The following EIF2B3 variants were observed in gnomAD, a reference collection of about 807,000 sequenced individuals.
EIF2B3 encodes the protein eukaryotic translation initiation factor 2B subunit gamma, also known as translation initiation factor eIF2B subunit gamma.
In EIF2B3, 20 loss-of-function variants were observed where a neutral mutation model predicts 54.1. The observed-to-expected ratio is 0.37, with a 90% CI of 0.26 to 0.54. EIF2B3 has a LOEUF of 0.54. Among genes scored for constraint, EIF2B3 ranks in the 20% least tolerant of loss-of-function variants. The probability of loss-of-function intolerance (pLI) is 0.86; values close to 1 mark genes in which losing one functional copy is unlikely to be tolerated. For missense variants in EIF2B3, 448 were observed against 547.8 expected (o/e 0.82, Z 1.82); for synonymous variants, 153 against 188.1 (o/e 0.81, Z 1.52).
At chr1:44,936,425 CAAA>C (rs35416105) in intron 4 of EIF2B3, among the ~76,000 whole-genome samples, 2 of 133,472 alleles carry the variant, frequency 1.5e-5, no homozygotes, top group Non-Finnish European at 1.6e-5. Flanking sequence ...ACTAAAAATA[CAAA>C]AAAAAAAAAA....
At position 44,956,193 on chromosome 1, in the gene EIF2B3, G is replaced by C. The variant is rs377599959; in HGVS notation, c.295-14528C>G. ...GGAATACTATGCAGCCATAAAAAAG[G>C]ATGAGTTCATGTCCTTTGCAGAGAC... On this transcript the variant is annotated intron_variant, in intron 3 of 11. Transcript: ENST00000360403. Among the ~76,000 whole-genome samples, 44 of 152,258 alleles carry C rather than the reference G, an allele frequency of 2.9e-4. No individual in the cohort carries two copies. In the East Asian group the frequency reaches 7.7e-3, roughly 27 times the overall value.
chr1:44,894,039 C>CTAAG (rs1655887800), intron 6 of EIF2B3, among the ~76,000 whole-genome samples: 1 of 152,118 alleles, frequency 6.6e-6, no homozygotes, highest in Admixed American at 6.5e-5. Flanking sequence ...GCAGCTCCTA[C>CTAAG]TAAGGCAAGC....
chr1:44,890,695 ATCTACCTG>A (rs1557672763), intron 6 of EIF2B3, among the ~76,000 whole-genome samples: 2 of 151,636 alleles, frequency 1.3e-5, no homozygotes, highest in South Asian at 4.2e-4. Flanking sequence ...CAGTGTGGAG[ATCTACCTG>A]TCTTGCACCC....
intron 10 of EIF2B3, among the ~76,000 whole-genome samples, chr1:44,873,929 C>T (rs1040243328): frequency 4.6e-5 from 7 of 151,978 alleles, no homozygotes; most frequent in African/African-American, 9.7e-5. Context: ...GGATTACAGG[C>T]ATGAGCCACT....
chr1:44,910,038 A>C (rs1643482516), intron 5 of EIF2B3, among the ~76,000 whole-genome samples: 1 of 152,192 alleles, frequency 6.6e-6, no homozygotes, highest in African/African-American at 2.4e-5. Flanking sequence ...ATCCTTTAGG[A>C]GCTTGTTTTA....
chr1:44,897,544 GA>G, intron 5 of EIF2B3, 100 bp from the exon 6 acceptor site: 1 of 921,144 alleles, frequency 1.1e-6, no homozygotes, highest in Middle Eastern at 2.1e-4. Flanking sequence ...GTAAGTTTAT[GA>G]GGGTCAGAGG....
intron 10 of EIF2B3, among the ~76,000 whole-genome samples, chr1:44,872,331 C>A (rs1169827458): frequency 6.6e-6 from 1 of 152,100 alleles, no homozygotes; most frequent in Non-Finnish European, 1.5e-5. Context: ...ATGTGGCTGG[C>A]CACTTCACTT....
chr1:44,897,311 CTTG>C (rs754026304), intron 6 of EIF2B3, 41 bp downstream of exon 6: 1 of 1,415,744 alleles, frequency 7.1e-7, no homozygotes, highest in Middle Eastern at 1.8e-4. Context: ...CACAAAGTAG[CTTG>C]TTAAGTACTG....
At chr1:44,945,449 G>C (rs1644089980) in intron 3 of EIF2B3, among the ~76,000 whole-genome samples, 1 of 151,814 alleles carries the variant, frequency 6.6e-6, no homozygotes, top group Admixed American at 6.6e-5. Flanking sequence ...AGCTACTCGG[G>C]AGGCTGAGGC....
intron 3 of EIF2B3, among the ~76,000 whole-genome samples, chr1:44,967,863 C>A (rs1454190248): frequency 1.3e-5 from 2 of 151,312 alleles, no homozygotes; most frequent in East Asian, 3.9e-4. Flanking sequence ...CAGGGTGAAA[C>A]CCTGTCTCCA....
At chr1:44,884,316 C>A (rs1411801046) in intron 6 of EIF2B3, among the ~76,000 whole-genome samples, 2 of 152,078 alleles carry the variant, frequency 1.3e-5, no homozygotes, top group Non-Finnish European at 2.9e-5. Flanking sequence ...GTATGGGCAG[C>A]TCTATAAACC....
At chr1:44,890,926 C>T (rs1488129543) in intron 6 of EIF2B3, among the ~76,000 whole-genome samples, 1 of 152,116 alleles carries the variant, frequency 6.6e-6, no homozygotes, top group East Asian at 1.9e-4. Flanking sequence ...TCCCCTAAAT[C>T]TCTGTCAAGA....
intron 3 of EIF2B3, among the ~76,000 whole-genome samples, chr1:44,961,106 C>T (rs956535143): frequency 4.0e-5 from 6 of 151,660 alleles, no homozygotes; most frequent in African/African-American, 1.5e-4. Flanking sequence ...GAGGCTGAGG[C>T]AGGAGGATTG....
In EIF2B3 at chr1:44,875,569, A is replaced by G. The variant is rs981974596; in HGVS notation, c.1053+49T>C. 4.4e-6 allele frequency: 7 copies of G among 1,579,726 alleles called. No homozygotes were observed. In the African/African-American group the frequency reaches 8.1e-5, roughly 18 times the overall value. ...TCCGGCTTCTCAAAAACAAGTCTCGATGCTCCCAAAGAACATCTCATGCCC... is the reference window on the plus strand; with the variant it reads ...TCCGGCTTCTCAAAAACAAGTCTCGGTGCTCCCAAAGAACATCTCATGCCC... On this transcript the variant is annotated intron_variant, in intron 9 of 11. Transcript: ENST00000360403.
At chr1:44,893,624 T>G (rs1655874050) in intron 6 of EIF2B3, among the ~76,000 whole-genome samples, 1 of 148,096 alleles carries the variant, frequency 6.8e-6, no homozygotes, top group Non-Finnish European at 1.5e-5. Context: ...CCCAGCACAG[T>G]GCCTGGTACA....
intron 4 of EIF2B3, among the ~76,000 whole-genome samples, chr1:44,940,377 C>T (rs960355593): frequency 6.6e-6 from 1 of 151,814 alleles, no homozygotes; most frequent in Non-Finnish European, 1.5e-5. Context: ...AAATTTAAAC[C>T]CATAAAAGGA....
intron 10 of EIF2B3, among the ~76,000 whole-genome samples, chr1:44,864,890 C>T (rs963119986): frequency 6.6e-6 from 1 of 152,164 alleles, no homozygotes; most frequent in African/African-American, 2.4e-5. Context: ...AATGTTGTTT[C>T]ACTGTCTTCT....
chr1:44,879,592 C>A (rs1655317209), intron 8 of EIF2B3, among the ~76,000 whole-genome samples: 1 of 152,198 alleles, frequency 6.6e-6, no homozygotes, highest in African/African-American at 2.4e-5. Flanking sequence ...AAGATCTTAG[C>A]CTTTCCCTGG....
chr1:44,902,624 C>A (rs535890504), intron 5 of EIF2B3, among the ~76,000 whole-genome samples: 1 of 151,934 alleles, frequency 6.6e-6, no homozygotes, highest in Non-Finnish European at 1.5e-5. Flanking sequence ...GAGTTCAAGA[C>A]CAGCCTGGGC....
Sources: gnomAD v4.1 joint callset for allele counts (sites outside exome capture counted in the v4.1 genomes callset) on GRCh38, gnomAD v4.1.1 for gene constraint, MANE v1.5 for transcripts, NCBI Gene and HGNC (gene_info 2026-07-23, HGNC 2026-07-21) for gene names.